Variants in NRXN3 observed in about 807,000 individuals in gnomAD.
NRXN3 encodes neurexin 3, also known as neurexin III.
Under a neutral mutation model 137.6 loss-of-function variants are expected in NRXN3, and 32 were observed. That is an observed-to-expected ratio of 0.23 (90% CI 0.18 to 0.31). The LOEUF (loss-of-function observed/expected upper bound fraction) is 0.31. Ranked by LOEUF, NRXN3 falls within the 10% of genes least tolerant of loss-of-function variation. NRXN3 has a pLI of 1.00. For missense variants in NRXN3, 1,574 were observed against 2,062.5 expected (o/e 0.76, Z 4.59); for synonymous variants, 798 against 784.5 (o/e 1.02, Z -0.29).
intron 15 of NRXN3, among the ~76,000 whole-genome samples, chr14:79,358,542 C>G (rs573564215): frequency 2.8e-4 from 39 of 139,192 alleles, no homozygotes; most frequent in African/African-American, 1.0e-3. Context: ...CTACTGCACT[C>G]CAGCCTGACT....
chr14:79,601,567 C>G (rs1213772611), intron 16 of NRXN3, among the ~76,000 whole-genome samples: 1 of 152,132 alleles, frequency 6.6e-6, no homozygotes, highest in Non-Finnish European at 1.5e-5. Context: ...AACAAGCCCC[C>G]CTTGCTATAA....
At chr14:79,685,377 T>C (rs2098690574) in intron 17 of NRXN3, among the ~76,000 whole-genome samples, 1 of 152,132 alleles carries the variant, frequency 6.6e-6, no homozygotes, top group Non-Finnish European at 1.5e-5. Flanking sequence ...AATTCAGACA[T>C]TGAAATCAAC....
intron 4 of NRXN3, among the ~76,000 whole-genome samples, chr14:78,617,099 T>C (rs2097354323): frequency 6.6e-6 from 1 of 152,184 alleles, no homozygotes; most frequent in Non-Finnish European, 1.5e-5. Flanking sequence ...AGCAGCTTGG[T>C]TAAAAAACAA....
At chr14:79,666,019 C>T (rs1171300997) in intron 17 of NRXN3, among the ~76,000 whole-genome samples, 1 of 152,028 alleles carries the variant, frequency 6.6e-6, no homozygotes, top group Non-Finnish European at 1.5e-5. Context: ...GGTTTCATCA[C>T]CTGTGAGTCT....
chr14:78,199,933 C>A (rs928817373), intron 1 of NRXN3, among the ~76,000 whole-genome samples: 8 of 152,160 alleles, frequency 5.3e-5, no homozygotes, highest in African/African-American at 1.9e-4. Context: ...GTACCTGCAG[C>A]AGGCGAGTGT....
chr14:79,002,079 A>T lies in NRXN3; in HGVS notation c.3262+13938A>T, dbSNP rs190411996. On this transcript the variant is annotated intron_variant, in intron 15 of 20. Coordinates refer to ENST00000335750, the MANE Select transcript of NRXN3 (RefSeq NM_001330195.2). Reference sequence around the variant, plus strand: ...TTGTGCTTACTATAGTTTCCTCTAGAGTAGGGGCTAACTGTGTAGAAGAGG... The same window carrying T: ...TTGTGCTTACTATAGTTTCCTCTAGTGTAGGGGCTAACTGTGTAGAAGAGG... Among the ~76,000 whole-genome samples, 33 of 152,304 alleles carry T rather than the reference A, an allele frequency of 2.2e-4. No individual in the cohort carries two copies. The East Asian group carries it at 6.4e-3, about 29-fold the overall frequency.
chr14:78,904,144 A>C (rs758243681), intron 10 of NRXN3, among the ~76,000 whole-genome samples: 6 of 152,100 alleles, frequency 3.9e-5, no homozygotes, highest in Non-Finnish European at 8.8e-5. Flanking sequence ...TGGGTTCAAA[A>C]TCAGGCAGTC....
intron 4 of NRXN3, among the ~76,000 whole-genome samples, chr14:78,630,826 C>T (rs1049533813): frequency 7.2e-5 from 11 of 152,158 alleles, no homozygotes; most frequent in African/African-American, 2.2e-4. Context: ...AGGATGGTCT[C>T]GATCTCCTGA....
At chr14:78,727,022 A>G (rs2098488172) in intron 8 of NRXN3, among the ~76,000 whole-genome samples, 1 of 150,664 alleles carries the variant, frequency 6.6e-6, no homozygotes, top group Non-Finnish European at 1.5e-5. Flanking sequence ...AGAGATGTCC[A>G]GAACAGGTCA....
chr14:78,911,367 G>C (rs1020409898), intron 10 of NRXN3, among the ~76,000 whole-genome samples: 1 of 152,086 alleles, frequency 6.6e-6, no homozygotes, highest in African/African-American at 2.4e-5. Context: ...GAAACTTTGT[G>C]ATGTTTTGTC....
At chr14:78,433,959 A>T (rs1598615661) in intron 4 of NRXN3, among the ~76,000 whole-genome samples, 1 of 151,030 alleles carries the variant, frequency 6.6e-6, no homozygotes, top group Non-Finnish European at 1.5e-5. Context: ...AGTTGAAAAT[A>T]TTGTAAGTTG....
At chr14:79,830,423 C>A (rs1053968873) in intron 20 of NRXN3, among the ~76,000 whole-genome samples, 1 of 152,092 alleles carries the variant, frequency 6.6e-6, no homozygotes, top group African/African-American at 2.4e-5. Flanking sequence ...AGAGCATAGT[C>A]AGTAACTCCC....
At chr14:79,472,890 G>A (rs2096527168) in intron 16 of NRXN3, among the ~76,000 whole-genome samples, 1 of 152,154 alleles carries the variant, frequency 6.6e-6, no homozygotes, top group Non-Finnish European at 1.5e-5. Context: ...CTGCAAAATA[G>A]AAGGTCGGGG....
At chr14:78,766,316 T>C (rs941035685) in intron 8 of NRXN3, among the ~76,000 whole-genome samples, 2 of 152,242 alleles carry the variant, frequency 1.3e-5, no homozygotes, top group South Asian at 4.1e-4. Context: ...CTTATGCTTC[T>C]ATAAATTTGT....
chr14:79,442,789 T>C (rs1174281475), intron 15 of NRXN3, among the ~76,000 whole-genome samples: 1 of 152,246 alleles, frequency 6.6e-6, no homozygotes, highest in African/African-American at 2.4e-5. Flanking sequence ...AAATATGGAC[T>C]TACCTTTTTT....
intron 15 of NRXN3, among the ~76,000 whole-genome samples, chr14:79,112,294 G>A (rs1300726562): frequency 1.3e-5 from 2 of 151,938 alleles, no homozygotes; most frequent in Admixed American, 6.6e-5. Flanking sequence ...TATCTTACTC[G>A]TCACCTTGCA....
At chr14:78,692,733 A>G (rs1354635226) in intron 6 of NRXN3, among the ~76,000 whole-genome samples, 2 of 152,226 alleles carry the variant, frequency 1.3e-5, no homozygotes, top group East Asian at 3.9e-4. Flanking sequence ...GTAAAATGAG[A>G]TAATTATGGC....
At chr14:79,393,891 A>G (rs2094935957) in intron 15 of NRXN3, among the ~76,000 whole-genome samples, 1 of 152,236 alleles carries the variant, frequency 6.6e-6, no homozygotes, top group Admixed American at 6.5e-5. Flanking sequence ...GTTGACCTAG[A>G]TACAAGAGTA....
At chr14:78,821,018 A>G (rs2098949239) in intron 10 of NRXN3, among the ~76,000 whole-genome samples, 1 of 152,170 alleles carries the variant, frequency 6.6e-6, no homozygotes, top group African/African-American at 2.4e-5. Flanking sequence ...GGTAGGCATG[A>G]ACCTTTATAA....
Sources: gnomAD v4.1 joint callset for allele counts (sites outside exome capture counted in the v4.1 genomes callset) on GRCh38, gnomAD v4.1.1 for gene constraint, MANE v1.5 for transcripts, NCBI Gene and HGNC (gene_info 2026-07-23, HGNC 2026-07-21) for gene names.